Variants in TRDN observed in about 807,000 individuals in gnomAD.
TRDN encodes triadin in skeletal muscle.
A neutral mutation model predicts 149.7 loss-of-function variants in TRDN; 161 were observed. The observed-to-expected ratio is 1.08, with a 90% confidence interval of 0.95 to 1.23. The LOEUF is 1.23. TRDN is among the 50% of genes most tolerant of loss of function. The probability of loss-of-function intolerance (pLI) is 0.00; values close to 1 mark genes in which losing one functional copy is unlikely to be tolerated. For synonymous variants in TRDN, 294 were observed against 250.5 expected (o/e 1.17, Z -1.64); for missense variants, 896 against 823.5 (o/e 1.09, Z -1.08).
At chr6:123,469,627 T>C (rs1216895237) in intron 9 of TRDN, 2 of 152,320 alleles carry the variant, frequency 1.3e-5, no homozygotes, top group East Asian at 1.9e-4. Context: ...GTTTCTTTTC[T>C]TCCTTCCAGG....
intron 20 of TRDN, among the ~76,000 whole-genome samples, chr6:123,353,279 C>T (rs1278664007): frequency 6.6e-6 from 1 of 151,712 alleles, no homozygotes; most frequent in East Asian, 1.9e-4. Context: ...CTGATTATTG[C>T]TATTGCACCC....
chr6:123,320,214 C>T (rs77869460), intron 23 of TRDN, among the ~76,000 whole-genome samples: 3 of 103,260 alleles, frequency 2.9e-5, no homozygotes, highest in African/African-American at 8.4e-5. Context: ...AAATAATAAT[C>T]ATTATTATTA....
chr6:123,287,644 C>A (rs548301117), intron 24 of TRDN, among the ~76,000 whole-genome samples: 1 of 152,178 alleles, frequency 6.6e-6, no homozygotes, highest in South Asian at 2.1e-4. Flanking sequence ...ATAGATAAAG[C>A]TAAAAACAGA....
At chr6:123,631,262 A>C (rs774583945) in intron 1 of TRDN, among the ~76,000 whole-genome samples, 4 of 151,996 alleles carry the variant, frequency 2.6e-5, no homozygotes, top group Admixed American at 1.3e-4. Flanking sequence ...CAAAAGCTTC[A>C]TACTTAATAC....
Position 123,438,324 on chromosome 6 carries a change from A to ATTTT in TRDN, c.992-203_992-202insAAAA, listed in dbSNP as rs146284588. On this transcript the variant is annotated intron_variant, in intron 11 of 40. Transcript: ENST00000334268. The stretch of plus-strand genomic sequence containing the variant: ...GTATAATTTCTCTTCAGGAAACAGA[A>ATTTT]CTTTTTTTTTTTTGCCAAAGGCAAA... 9.6e-3 allele frequency among the ~76,000 whole-genome samples: 1,457 copies of ATTTT among 151,292 alleles called. 30 individuals are homozygous for ATTTT. The highest frequency in any genetic ancestry group is 0.027 in the African/African-American group (1,106 of 41,110).
At chr6:123,557,965 A>G (rs1338633741) in intron 2 of TRDN, among the ~76,000 whole-genome samples, 1 of 151,896 alleles carries the variant, frequency 6.6e-6, no homozygotes, top group Non-Finnish European at 1.5e-5. Context: ...TAAATGCCTT[A>G]TTTTCTTCTG....
intron 18 of TRDN, among the ~76,000 whole-genome samples, chr6:123,376,499 G>T (rs1781512575): frequency 6.6e-6 from 1 of 152,014 alleles, no homozygotes; most frequent in South Asian, 2.1e-4. Context: ...ATGTGTCCTG[G>T]CATTACAATA....
intron 16 of TRDN, among the ~76,000 whole-genome samples, chr6:123,378,332 T>C (rs1195445130): frequency 6.6e-6 from 1 of 152,178 alleles, no homozygotes; most frequent in Non-Finnish European, 1.5e-5. Flanking sequence ...CAAGTTGTAG[T>C]GCAGTGTTAT....
chr6:123,475,088 A>G (rs1440880295), intron 9 of TRDN, among the ~76,000 whole-genome samples: 11 of 147,606 alleles, frequency 7.5e-5, no homozygotes, highest in Admixed American at 7.3e-4. Flanking sequence ...AGAGATACAA[A>G]AAACCCTTCA....
chr6:123,462,344 A>G (rs1384942343), intron 10 of TRDN: 2 of 152,234 alleles, frequency 1.3e-5, no homozygotes, highest in Non-Finnish European at 2.9e-5. Flanking sequence ...GTACACAGAT[A>G]CTTCCCAGAA....
In TRDN at chr6:123,218,553, T is replaced by A; in HGVS notation, c.*48A>T. On this transcript the variant is annotated 3_prime_UTR_variant, in exon 41 of 41. Coordinates refer to ENST00000334268, the MANE Select transcript of TRDN (RefSeq NM_006073.4). ...TGCCTGAACTACTGTGGACAAAACATCACATTTTTAAAATCTTAAAGCACT... is the reference window on the plus strand; with the variant it reads ...TGCCTGAACTACTGTGGACAAAACAACACATTTTTAAAATCTTAAAGCACT... 6.4e-7 allele frequency: 1 copy of A among 1,569,350 alleles called. No individual in the cohort carries two copies. Among genetic ancestry groups the A allele is most frequent in the Non-Finnish European group, 8.6e-7 (1 of 1,159,030 alleles).
At chr6:123,543,276 T>C (rs1780941795) in intron 4 of TRDN, among the ~76,000 whole-genome samples, 1 of 152,202 alleles carries the variant, frequency 6.6e-6, no homozygotes, top group Non-Finnish European at 1.5e-5. Flanking sequence ...TGTCATTTAC[T>C]ATTTTATTTA....
chr6:123,622,335 ACACACACACACAGG>A (rs1377866371), intron 1 of TRDN, among the ~76,000 whole-genome samples: 52 of 131,608 alleles, frequency 4.0e-4, no homozygotes, highest in Admixed American at 3.2e-3. Flanking sequence ...ACACACACAC[ACACACACACACAGG>A]CACACGCACA....
chr6:123,312,883 A>G (rs954075838), intron 24 of TRDN, among the ~76,000 whole-genome samples: 6 of 151,978 alleles, frequency 3.9e-5, no homozygotes, highest in African/African-American at 1.4e-4. Flanking sequence ...TTGTTTGTAA[A>G]TTTTATATCA....
intron 21 of TRDN, among the ~76,000 whole-genome samples, chr6:123,345,956 A>C (rs1269424687): frequency 6.6e-6 from 1 of 152,102 alleles, no homozygotes; most frequent in Non-Finnish European, 1.5e-5. Context: ...AATTTTCTAC[A>C]TAAATAAGTC....
chr6:123,529,540 T>G, intron 5 of TRDN: 1 of 584,344 alleles, frequency 1.7e-6, no homozygotes, highest in Non-Finnish European at 3.1e-6. Context: ...AGCAACAACA[T>G]GGCATTGTAT....
At chr6:123,362,859 T>C (rs1230377994) in intron 20 of TRDN, among the ~76,000 whole-genome samples, 1 of 152,146 alleles carries the variant, frequency 6.6e-6, no homozygotes, top group Admixed American at 6.5e-5. Context: ...ATTTTTCATA[T>C]AATATATAAT....
intron 1 of TRDN, among the ~76,000 whole-genome samples, chr6:123,632,501 C>A (rs368935056): frequency 9.7e-4 from 147 of 152,168 alleles, no homozygotes; most frequent in African/African-American, 3.3e-3. Context: ...ACAAACCATG[C>A]ACAAATCTTT....
At chr6:123,439,098 C>T (rs1239665337) in intron 10 of TRDN, 95 bp from the exon 11 acceptor site, 1 of 897,498 alleles carries the variant, frequency 1.1e-6, no homozygotes, top group Non-Finnish European at 1.7e-6. Context: ...TCAGTTCTGC[C>T]TCCAGCTAGC....
Sources: gnomAD v4.1 joint callset for allele counts (sites outside exome capture counted in the v4.1 genomes callset) on GRCh38, gnomAD v4.1.1 for gene constraint, MANE v1.5 for transcripts, NCBI Gene and HGNC (gene_info 2026-07-23, HGNC 2026-07-21) for gene names.